PCDH15: variants seen among roughly 807,000 people sequenced by gnomAD.
The protein encoded by PCDH15 is protocadherin-15.
In PCDH15, 129 loss-of-function variants were observed where a neutral mutation model predicts 178.5. The observed-to-expected ratio is 0.72, with a 90% CI of 0.63 to 0.84. The LOEUF is 0.84. PCDH15 is among the 40% of genes least tolerant of loss of function. PCDH15 has a pLI of 0.00. For missense variants in PCDH15, 2,230 were observed against 2,099.9 expected, an observed-to-expected ratio of 1.06 and a Z score of -1.21; for synonymous variants, 800 against 732.0, an observed-to-expected ratio of 1.09 and a Z score of -1.50.
chr10:54,563,073 G>A (rs1035012462), intron 2 of PCDH15, among the ~76,000 whole-genome samples: 6 of 152,060 alleles, frequency 3.9e-5, no homozygotes, highest in African/African-American at 1.2e-4. Context: ...GAGCTTGAAG[G>A]TACTTATCAA....
chr10:54,040,441 G>C (rs1021442530), intron 18 of PCDH15, among the ~76,000 whole-genome samples: 4 of 151,910 alleles, frequency 2.6e-5, no homozygotes, highest in Non-Finnish European at 4.4e-5. Flanking sequence ...ATGATTGTGA[G>C]GCCTCCCCAG....
chr10:55,369,595 C>T (rs891488087), intron 2 of PCDH15, among the ~76,000 whole-genome samples: 1 of 152,110 alleles, frequency 6.6e-6, no homozygotes, highest in Non-Finnish European at 1.5e-5. Flanking sequence ...ATCTAAAATG[C>T]AACAGAATAT....
intron 26 of PCDH15, among the ~76,000 whole-genome samples, chr10:53,889,413 T>C (rs897537246): frequency 6.6e-6 from 1 of 151,804 alleles, no homozygotes; most frequent in East Asian, 1.9e-4. Context: ...GAGACCAAAA[T>C]AGTCGCCACA....
At chr10:55,242,079 CAT>C (rs1841557613) in intron 1 of PCDH15, among the ~76,000 whole-genome samples, 1 of 152,116 alleles carries the variant, frequency 6.6e-6, no homozygotes, top group African/African-American at 2.4e-5. Flanking sequence ...TATAATAAAA[CAT>C]AGACTGCACG....
chr10:53,910,066 C>A (rs952879995), intron 25 of PCDH15, among the ~76,000 whole-genome samples: 2 of 152,204 alleles, frequency 1.3e-5, no homozygotes. Context: ...TAGACTCCAC[C>A]TCTGGGGGCA....
In PCDH15 at chr10:54,219,104, A is replaced by AC. The variant is rs1461352528; in HGVS notation, c.986-5057_986-5056insG. ...CTGTCTCTACTAAAAAAAAAAAAAA[A>AC]AAACAAAAAAAAAACAAAAAATTAG... On this transcript the variant is annotated intron_variant, in intron 9 of 37. Transcript: ENST00000644397. Among the ~76,000 whole-genome samples the AC allele has an allele frequency of 3.6e-4, 49 of 136,628 alleles. 1 individual carries two copies. The highest frequency in any genetic ancestry group is 1.3e-3 in the African/African-American group (45 of 33,830). The allele number at this position is 136,628 out of a possible 152,430, so 89.6% of individuals were successfully genotyped here. A position where few individuals can be genotyped will look rare whatever the true frequency, so the allele number is the denominator to read the frequency against.
intron 3 of PCDH15, among the ~76,000 whole-genome samples, chr10:54,854,908 C>T (rs565040523): frequency 6.6e-6 from 1 of 152,338 alleles, no homozygotes; most frequent in East Asian, 1.9e-4. Flanking sequence ...CCCAGGAAAC[C>T]TGTCTACCTT....
intron 2 of PCDH15, among the ~76,000 whole-genome samples, chr10:55,102,545 T>A (rs1272519098): frequency 6.6e-6 from 1 of 152,174 alleles, no homozygotes; most frequent in East Asian, 1.9e-4. Context: ...AAATGTTATA[T>A]AAATGACCCC....
chr10:54,591,881 T>C (rs1366105976), intron 2 of PCDH15, among the ~76,000 whole-genome samples: 2 of 152,130 alleles, frequency 1.3e-5, no homozygotes, highest in Non-Finnish European at 2.9e-5. Flanking sequence ...TAAAAAGTAA[T>C]ATGTCTCATT....
chr10:55,014,317 CAA>C (rs1840118534), intron 2 of PCDH15, among the ~76,000 whole-genome samples: 2 of 152,002 alleles, frequency 1.3e-5, no homozygotes, highest in Non-Finnish European at 2.9e-5. Context: ...ATGCAATACA[CAA>C]ACTTATTTCT....
In PCDH15 at chr10:54,436,077, AGGAAGGAG is replaced by A. The variant is rs1277960849; in HGVS notation, c.158-57143_158-57136del. Among the ~76,000 whole-genome samples, 626 of 144,300 alleles carry A rather than the reference AGGAAGGAG, an allele frequency of 4.3e-3. 5 individuals carry two copies. The highest frequency in any genetic ancestry group is 0.014 in the African/African-American group (515 of 35,614). The allele number at this position is 144,300 out of a possible 152,430, so 94.7% of individuals were successfully genotyped here. ...AAAGAAAGAAAGAAAGAAAGAAGGA[AGGAAGGAG>A]GGAAGGAGGGAAGGAGGGAAGGAAG... On this transcript the variant is annotated intron_variant, in intron 3 of 37. Coordinates refer to ENST00000644397, the MANE Select transcript of PCDH15 (RefSeq NM_001384140.1).
intron 1 of PCDH15, among the ~76,000 whole-genome samples, chr10:55,311,884 A>T (rs1348602929): frequency 6.6e-6 from 1 of 152,200 alleles, no homozygotes; most frequent in Non-Finnish European, 1.5e-5. Context: ...TTGATCTTAG[A>T]TGCAGAACTC....
chr10:55,342,013 G>C (rs1395229447), intron 2 of PCDH15, among the ~76,000 whole-genome samples: 2 of 149,978 alleles, frequency 1.3e-5, no homozygotes, highest in Non-Finnish European at 3.0e-5. Context: ...TAGAGCACTA[G>C]TAGAACAGAT....
intron 21 of PCDH15, among the ~76,000 whole-genome samples, chr10:53,962,472 G>T (rs2088459152): frequency 1.3e-5 from 2 of 152,154 alleles, no homozygotes; most frequent in Non-Finnish European, 1.5e-5. Flanking sequence ...TACCATGCTA[G>T]GTATTTCTAT....
At chr10:53,931,879 TG>T (rs1465144293) in intron 25 of PCDH15, among the ~76,000 whole-genome samples, 71 of 152,304 alleles carry the variant, frequency 4.7e-4, no homozygotes, top group South Asian at 1.7e-3. Context: ...GGGAAGAGGC[TG>T]TAAGAGATTT....
intron 2 of PCDH15, among the ~76,000 whole-genome samples, chr10:55,386,826 G>A (rs1334341657): frequency 1.3e-5 from 2 of 151,970 alleles, no homozygotes; most frequent in Non-Finnish European, 2.9e-5. Context: ...TATGTAATGC[G>A]TGGCAAAATA....
intron 3 of PCDH15, among the ~76,000 whole-genome samples, chr10:54,887,454 T>G (rs990074147): frequency 2.6e-5 from 4 of 152,164 alleles, no homozygotes; most frequent in Non-Finnish European, 5.9e-5. Flanking sequence ...CACCCTAAAT[T>G]AACTGATTCA....
At chr10:54,305,688 A>C (rs2133355693) in intron 8 of PCDH15, among the ~76,000 whole-genome samples, 1 of 152,208 alleles carries the variant, frequency 6.6e-6, no homozygotes, top group East Asian at 1.9e-4. Flanking sequence ...GCAGAAAACA[A>C]AGTCATGAAT....
chr10:54,632,314 A>C (rs1484702101), intron 2 of PCDH15, among the ~76,000 whole-genome samples: 1 of 152,108 alleles, frequency 6.6e-6, no homozygotes, highest in African/African-American at 2.4e-5. Context: ...AAGGTCTGAA[A>C]AAATACCTGC....
Sources: gnomAD v4.1 joint callset for allele counts (sites outside exome capture counted in the v4.1 genomes callset) on GRCh38, gnomAD v4.1.1 for gene constraint, MANE v1.5 for transcripts, NCBI Gene and HGNC (gene_info 2026-07-23, HGNC 2026-07-21) for gene names.